Variants in PAM observed in about 807,000 individuals in gnomAD.
PAM encodes peptidylglycine alpha-amidating monooxygenase.
In PAM, 72 loss-of-function variants were observed where a neutral mutation model predicts 122.1. The ratio of observed to expected loss-of-function variants is 0.59; its 90% CI spans 0.49 to 0.72. PAM has a LOEUF of 0.72. PAM is among the 30% of genes least tolerant of loss of function. The pLI, the probability that PAM is intolerant of heterozygous loss-of-function variation, is 0.00. For synonymous variants in PAM, 389 were observed against 404.4 expected (o/e 0.96, Z 0.46); for missense variants, 1,106 against 1,183.7 (o/e 0.93, Z 0.96).
chr5:102,888,550 C>T (rs1408523738), intron 3 of PAM, among the ~76,000 whole-genome samples: 1 of 151,874 alleles, frequency 6.6e-6, no homozygotes, highest in Non-Finnish European at 1.5e-5. Flanking sequence ...TACTCAATTT[C>T]CTTTCTCAGA....
At chr5:102,914,677 C>T (rs2151583555) in intron 5 of PAM, among the ~76,000 whole-genome samples, 1 of 152,078 alleles carries the variant, frequency 6.6e-6, no homozygotes, top group South Asian at 2.1e-4. Flanking sequence ...TTGTTATTTC[C>T]ACTTTACAGA....
intron 1 of PAM, among the ~76,000 whole-genome samples, chr5:102,820,427 G>C (rs1771467631): frequency 6.6e-6 from 1 of 152,106 alleles, no homozygotes; most frequent in African/African-American, 2.4e-5. Context: ...GTACTTCTTG[G>C]ATATCATGGT....
At position 102,948,364 on chromosome 5, in the gene PAM, A is replaced by ATT. The variant is rs34520533; in HGVS notation, c.576-8_576-7dup. The ATT allele has an allele frequency of 6.6e-7, 1 of 1,516,256 alleles. No individual in the cohort carries two copies. The highest frequency in any genetic ancestry group is 1.7e-5 in the Admixed American group (1 of 58,566). The allele number at this position is 1,516,256 out of a possible 1,614,324, so 93.9% of individuals were successfully genotyped here. ...TTTTCAGGTATTTTAGAAAAATGTT[A>ATT]TTTTTTTCTGCAGACAGCCTTTAAT... On this transcript the variant is annotated splice_polypyrimidine_tract_variant and intron_variant, in intron 8 of 25. Transcript: ENST00000438793.
At chr5:102,863,119 T>C (rs1277910208) in intron 1 of PAM, among the ~76,000 whole-genome samples, 1 of 149,836 alleles carries the variant, frequency 6.7e-6, no homozygotes, top group Non-Finnish European at 1.5e-5. Context: ...CTGGAATTAA[T>C]ATCCATACAG....
chr5:102,853,831 C>A (rs1247860921), intron 1 of PAM, among the ~76,000 whole-genome samples: 1 of 152,202 alleles, frequency 6.6e-6, no homozygotes, highest in Non-Finnish European at 1.5e-5. Flanking sequence ...AGAGTCACTG[C>A]CAGGAAATGA....
intron 1 of PAM, among the ~76,000 whole-genome samples, chr5:102,762,600 A>G (rs1017185245): frequency 6.6e-6 from 1 of 152,110 alleles, no homozygotes; most frequent in Non-Finnish European, 1.5e-5. Context: ...GTAAGCTAAT[A>G]AACTCCTTCT....
At chr5:102,844,182 A>G (rs1263073126) in intron 1 of PAM, among the ~76,000 whole-genome samples, 1 of 151,580 alleles carries the variant, frequency 6.6e-6, no homozygotes, top group African/African-American at 2.5e-5. Flanking sequence ...GGGATGATGC[A>G]GAGTGCAAAA....
intron 15 of PAM, chr5:102,987,545 A>G (rs1354748168): frequency 4.4e-6 from 2 of 455,938 alleles, no homozygotes; most frequent in Non-Finnish European, 4.4e-6. Context: ...AAATGTTTCC[A>G]GTGCAAAGAA....
intron 7 of PAM, among the ~76,000 whole-genome samples, chr5:102,928,933 A>AC (rs1479987334): frequency 6.6e-6 from 1 of 152,150 alleles, no homozygotes; most frequent in East Asian, 1.9e-4. Context: ...AATGGCCCTC[A>AC]CTAGGACATT....
chr5:103,012,829 C>G (rs865896640), intron 21 of PAM, among the ~76,000 whole-genome samples: 10 of 142,716 alleles, frequency 7.0e-5, no homozygotes, highest in South Asian at 4.3e-4. Context: ...GCACTCCAGC[C>G]TGGGGGACAG....
At chr5:103,020,324 C>T (rs147453165) in intron 23 of PAM, among the ~76,000 whole-genome samples, 2 of 152,186 alleles carry the variant, frequency 1.3e-5, no homozygotes, top group African/African-American at 2.4e-5. Flanking sequence ...TCAGCTTCCA[C>T]GATTTACTGA....
At chr5:102,808,980 C>T (rs1350903942) in intron 1 of PAM, among the ~76,000 whole-genome samples, 1 of 152,180 alleles carries the variant, frequency 6.6e-6, no homozygotes, top group African/African-American at 2.4e-5. Flanking sequence ...AGTAGAACCA[C>T]TTATAACATT....
intron 1 of PAM, among the ~76,000 whole-genome samples, chr5:102,859,787 A>G (rs945313908): frequency 6.6e-6 from 1 of 152,150 alleles, no homozygotes; most frequent in African/African-American, 2.4e-5. Flanking sequence ...CTTATCTTAT[A>G]TACAGTATTT....
chr5:102,932,390 AG>A (rs1195010140), intron 7 of PAM, among the ~76,000 whole-genome samples: 1 of 151,958 alleles, frequency 6.6e-6, no homozygotes, highest in Non-Finnish European at 1.5e-5. Context: ...AGAGAGACTG[AG>A]GCAGGAAAAT....
intron 3 of PAM, among the ~76,000 whole-genome samples, chr5:102,870,101 A>ATT (rs111643580): frequency 0.021 from 3,085 of 146,884 alleles, 96 homozygotes; most frequent in African/African-American, 0.073. Flanking sequence ...ATGGCAGAGG[A>ATT]TTTTTTTTTT....
rs576683328 is a variant in PAM at position 102,962,624 on chromosome 5, T to C, written c.1162+1395T>C. On this transcript the variant is annotated intron_variant, in intron 14 of 25. Coordinates refer to ENST00000438793, the MANE Select transcript of PAM (RefSeq NM_001177306.2). ...ACTGCAGTTGGACTATGGTTTCCTTTTGAAGTTAGTCAAGTTGATCAAGGG... is the reference window on the plus strand; with the variant it reads ...ACTGCAGTTGGACTATGGTTTCCTTCTGAAGTTAGTCAAGTTGATCAAGGG... Among the ~76,000 whole-genome samples the C allele has an allele frequency of 3.7e-4, 56 of 151,972 alleles. No homozygotes were observed. The South Asian group carries it at 7.5e-3, about 20-fold the overall frequency.
At chr5:102,825,523 T>C (rs974829413) in intron 1 of PAM, among the ~76,000 whole-genome samples, 1 of 152,146 alleles carries the variant, frequency 6.6e-6, no homozygotes, top group African/African-American at 2.4e-5. Flanking sequence ...GAACATTTAA[T>C]ATAGAGTCAT....
intron 3 of PAM, among the ~76,000 whole-genome samples, chr5:102,898,466 A>G (rs753969204): frequency 8.6e-5 from 13 of 151,660 alleles, no homozygotes; most frequent in Non-Finnish European, 1.5e-5. Context: ...TAGGAAGACT[A>G]TTATAATGGG....
chr5:102,861,919 C>T (rs1389139446), intron 1 of PAM, among the ~76,000 whole-genome samples: 2 of 152,134 alleles, frequency 1.3e-5, no homozygotes, highest in South Asian at 2.1e-4. Flanking sequence ...CCTGTAATCT[C>T]AGCACTTCAG....
Sources: allele counts gnomAD v4.1 joint callset (sites outside exome capture counted in the v4.1 genomes callset), GRCh38; gene constraint gnomAD v4.1.1; transcripts MANE v1.5; gene names NCBI Gene and HGNC (gene_info 2026-07-23, HGNC 2026-07-21).